Variants in PRIMA1 observed in about 807,000 individuals in gnomAD.
PRIMA1 encodes the protein proline rich membrane anchor 1.
In PRIMA1, 7 loss-of-function variants were observed where a neutral mutation model predicts 17.5. That is an observed-to-expected ratio of 0.40 (90% confidence interval 0.23 to 0.75). PRIMA1 has a LOEUF of 0.75. Ranked by LOEUF, PRIMA1 falls within the 30% of genes least tolerant of loss-of-function variation. The pLI, the probability that PRIMA1 is intolerant of heterozygous loss-of-function variation, is 0.37. For missense variants in PRIMA1, 200 were observed against 201.8 expected (o/e 0.99, Z 0.05); for synonymous variants, 97 against 77.9 (o/e 1.25, Z -1.29).
intron 2 of PRIMA1, among the ~76,000 whole-genome samples, chr14:93,784,766 C>G (rs905271061): frequency 6.6e-6 from 1 of 152,124 alleles, no homozygotes; most frequent in Non-Finnish European, 1.5e-5. Context: ...TGACTCTTGC[C>G]CCGGGTCCAA....
chr14:93,787,515 G>A (rs1885556970), intron 2 of PRIMA1, 111 bp downstream of exon 2: 2 of 1,465,700 alleles, frequency 1.4e-6, no homozygotes, highest in East Asian at 2.5e-5. Flanking sequence ...AAGCTCTTCC[G>A]AGAACCAATC....
chr14:93,747,805 C>G (rs1432041628), intron 3 of PRIMA1, among the ~76,000 whole-genome samples: 1 of 129,718 alleles, frequency 7.7e-6, no homozygotes, highest in Non-Finnish European at 1.7e-5. Context: ...TGTAAGGGGA[C>G]TGAGTGTGTG....
At chr14:93,755,597 G>C (rs2076285889) in intron 3 of PRIMA1, among the ~76,000 whole-genome samples, 1 of 152,146 alleles carries the variant, frequency 6.6e-6, no homozygotes, top group Non-Finnish European at 1.5e-5. Context: ...TTGGGCACTG[G>C]ACTGCCTGGT....
intron 4 of PRIMA1, among the ~76,000 whole-genome samples, chr14:93,727,803 C>G (rs1212965069): frequency 6.6e-6 from 1 of 152,192 alleles, no homozygotes; most frequent in Non-Finnish European, 1.5e-5. Context: ...CTCCCTTCAC[C>G]TTGTCTTGCT....
At chr14:93,727,998 C>T (rs1335660346) in intron 4 of PRIMA1, among the ~76,000 whole-genome samples, 2 of 152,330 alleles carry the variant, frequency 1.3e-5, no homozygotes, top group East Asian at 3.9e-4. Flanking sequence ...ATGGGCACTA[C>T]AGAAATGCCC....
In PRIMA1 at chr14:93,782,738, C is replaced by T. The variant is rs142197598; in HGVS notation, c.94-3427G>A. ...TCTCACAAAAGGATCATGTCTGGTC[C>T]GTCCTTATGCCTGACGGCTGAGCCC... On this transcript the variant is annotated intron_variant, in intron 2 of 4. Transcript: ENST00000393140. 9.3e-4 allele frequency among the ~76,000 whole-genome samples: 142 copies of T among 152,308 alleles called. No individual in the cohort carries two copies. In the Middle Eastern group the frequency reaches 0.01, roughly 11 times the overall value.
chr14:93,780,063 C>G (rs572789488), intron 2 of PRIMA1, among the ~76,000 whole-genome samples: 1 of 152,370 alleles, frequency 6.6e-6, no homozygotes, highest in Admixed American at 6.5e-5. Flanking sequence ...CCCACCTCGT[C>G]CCATGCTCTC....
In PRIMA1 at chr14:93,726,506, T is replaced by C. The variant is rs533325671; in HGVS notation, c.360-4960A>G. 2.0e-5 allele frequency among the ~76,000 whole-genome samples: 3 copies of C among 147,646 alleles called. No homozygotes were observed. The highest frequency in any genetic ancestry group is 7.4e-5 in the African/African-American group (3 of 40,728). ...CCACACCCATACACACACATGAACC[T>C]GCGTAACACACACAGGCACGTACAC... is the stretch of plus-strand genomic sequence containing the variant. On this transcript the variant is annotated intron_variant, in intron 4 of 4. Coordinates refer to ENST00000393140, the MANE Select transcript of PRIMA1 (RefSeq NM_178013.4). This position sits in a 1 kb window ranked among gnomAD's most constrained non-coding sequence, Gnocchi z 4.2.
At chr14:93,772,869 A>T (rs557121663) in intron 3 of PRIMA1, among the ~76,000 whole-genome samples, 1 of 152,246 alleles carries the variant, frequency 6.6e-6, no homozygotes, top group South Asian at 2.1e-4. Flanking sequence ...AGCAACTCCC[A>T]ATCTGAAGGT....
At chr14:93,734,060 C>T (rs950000442) in intron 4 of PRIMA1, among the ~76,000 whole-genome samples, 1 of 152,160 alleles carries the variant, frequency 6.6e-6, no homozygotes, top group Admixed American at 6.5e-5. Context: ...GAACACAGTC[C>T]CCTCTTGTCA....
rs1019444165 is a variant in PRIMA1, at chr14:93,720,223, T to C, written c.*1221A>G. 1.3e-5 allele frequency: 2 copies of C among 152,212 alleles called. No individual in the cohort carries two copies. The highest frequency in any genetic ancestry group is 2.9e-5 in the Non-Finnish European group (2 of 68,054). The allele number at this position is 152,212 out of a possible 1,614,324, so 9.4% of individuals were successfully genotyped here. ...AATCACCCTGTCTCCGTGGGTTTCC[T>C]GATGTGGCCCACAGGGAAGGCTGCC... On this transcript the variant is annotated 3_prime_UTR_variant, in exon 5 of 5. Transcript: ENST00000393140.
intron 3 of PRIMA1, among the ~76,000 whole-genome samples, chr14:93,745,193 C>A (rs562786445): frequency 7.4e-4 from 112 of 152,284 alleles, no homozygotes; most frequent in African/African-American, 2.6e-3. Context: ...CCCCTCTCAC[C>A]CACCATAGAC....
At chr14:93,728,656 G>A (rs959081575) in intron 4 of PRIMA1, among the ~76,000 whole-genome samples, 2 of 152,110 alleles carry the variant, frequency 1.3e-5, no homozygotes, top group Admixed American at 6.5e-5. Context: ...GGAGAGATGG[G>A]TCCAGAGAGG....
At position 93,751,442 on chromosome 14, in the gene PRIMA1, C is replaced by T. The variant is rs574926856; in HGVS notation, c.230-14072G>A. 2.1e-3 allele frequency among the ~76,000 whole-genome samples: 324 copies of T among 152,280 alleles called. 1 individual carries two copies. Among genetic ancestry groups the T allele is most frequent in the African/African-American group, 7.5e-3 (310 of 41,564 alleles). ...GGAGCACTTCATTTAAAAATTCTTG[C>T]GTTAGGGTCTGAGGACAGGTTCCAC... On this transcript the variant is annotated intron_variant, in intron 3 of 4. Transcript: ENST00000393140.
At chr14:93,721,575 G>A (rs367774929) in intron 4 of PRIMA1, 29 bp from the exon 5 acceptor site, 18 of 1,402,536 alleles carry the variant, frequency 1.3e-5, no homozygotes, top group Non-Finnish European at 1.7e-5. Context: ...GACAGGAAAG[G>A]CAAAGGAGGG....
chr14:93,788,834 C>G (rs879342164), upstream of PRIMA1, among the ~76,000 whole-genome samples: 3 of 151,832 alleles, frequency 2.0e-5, no homozygotes, highest in Non-Finnish European at 4.4e-5. Flanking sequence ...CGCCTGGAGC[C>G]GGCCGCGCGA....
intron 3 of PRIMA1, among the ~76,000 whole-genome samples, chr14:93,744,926 A>G: frequency 6.6e-6 from 1 of 151,912 alleles, no homozygotes; most frequent in East Asian, 1.9e-4. Flanking sequence ...TTCCAAAACT[A>G]AGGGACACAC....
At chr14:93,747,701 AGTGT>A (rs546953212) in intron 3 of PRIMA1, among the ~76,000 whole-genome samples, 2 of 148,284 alleles carry the variant, frequency 1.3e-5, no homozygotes, top group South Asian at 2.2e-4. Flanking sequence ...AGTGCATATG[AGTGT>A]GTGAGTGTAT....
chr14:93,764,697 G>C (rs1436771009), intron 3 of PRIMA1, among the ~76,000 whole-genome samples: 7 of 152,196 alleles, frequency 4.6e-5, no homozygotes, highest in Admixed American at 4.6e-4. Context: ...AAATGCTGAT[G>C]CACTTTTTTG....
Sources: gnomAD v4.1 joint callset for allele counts (sites outside exome capture counted in the v4.1 genomes callset) on GRCh38, gnomAD v4.1.1 for gene constraint, Gnocchi (gnomAD v3.1) non-coding constraint, MANE v1.5 for transcripts, NCBI Gene and HGNC (gene_info 2026-07-23, HGNC 2026-07-21) for gene names.